ADGRG2: variants seen among roughly 807,000 people sequenced by gnomAD.
ADGRG2 encodes the protein G protein-coupled receptor 64.
A neutral mutation model predicts 74.1 loss-of-function variants in ADGRG2; 26 were observed. The ratio of observed to expected loss-of-function variants is 0.35; its 90% confidence interval spans 0.26 to 0.49. ADGRG2 has a LOEUF of 0.49. Ranked by LOEUF, ADGRG2 falls within the 20% of genes least tolerant of loss-of-function variation. ADGRG2 has a pLI of 0.99. For synonymous variants in ADGRG2, 296 were observed against 295.2 expected (o/e 1.00, Z -0.03); for missense variants, 619 against 763.1 (o/e 0.81, Z 2.22).
At chrX:19,071,417 G>A (rs1019010114) in intron 2 of ADGRG2, among the ~76,000 whole-genome samples, 1 of 112,088 alleles carries the variant, frequency 8.9e-6, no homozygotes, top group African/African-American at 3.2e-5. Flanking sequence ...GTGCAAAGAT[G>A]TATCGATGTC....
At chrX:19,115,269 C>T (rs1318766440) in intron 1 of ADGRG2, among the ~76,000 whole-genome samples, 3 of 111,435 alleles carry the variant, frequency 2.7e-5, no homozygotes, top group African/African-American at 6.5e-5. Flanking sequence ...GCACCTACTA[C>T]GTCCCACTGT....
At chrX:19,115,680 G>A (rs956918881) in intron 1 of ADGRG2, among the ~76,000 whole-genome samples, 13 of 111,561 alleles carry the variant, frequency 1.2e-4, no homozygotes, top group Non-Finnish European at 2.3e-4. Context: ...GGTAGGAGGC[G>A]GCGCGGTGGC....
intron 1 of ADGRG2, among the ~76,000 whole-genome samples, chrX:19,090,881 C>T (rs764067628): frequency 1.3e-4 from 14 of 110,754 alleles, no homozygotes; most frequent in African/African-American, 4.3e-4. Context: ...CCAAGAAGTG[C>T]GATATTGCGA....
chrX:19,101,876 G>A (rs2062194386), intron 1 of ADGRG2, among the ~76,000 whole-genome samples: 1 of 110,124 alleles, frequency 9.1e-6, no homozygotes, highest in Admixed American at 9.7e-5. Flanking sequence ...TGAACCAGCA[G>A]TGACCCACCC....
chrX:19,102,983 C>G (rs1039738729), intron 1 of ADGRG2, among the ~76,000 whole-genome samples: 1 of 111,400 alleles, frequency 9.0e-6, no homozygotes, highest in African/African-American at 3.3e-5. Flanking sequence ...GGCATTTGAG[C>G]CAGAGTGACT....
intron 3 of ADGRG2, among the ~76,000 whole-genome samples, chrX:19,052,250 GCTGT>G (rs1269050779): frequency 8.9e-6 from 1 of 111,812 alleles, no homozygotes; most frequent in Non-Finnish European, 1.9e-5. Flanking sequence ...CACCTGAGAG[GCTGT>G]CTGTAAGTCT....
chrX:19,010,566 C>A (rs776666807), intron 17 of ADGRG2, 47 bp downstream of exon 17: 3 of 1,075,661 alleles, frequency 2.8e-6, no homozygotes, highest in Non-Finnish European at 2.5e-6. Flanking sequence ...GCATCTTTAT[C>A]TTTGGAGGGT....
intron 3 of ADGRG2, among the ~76,000 whole-genome samples, chrX:19,040,452 A>T (rs973428392): frequency 8.9e-6 from 1 of 112,329 alleles, no homozygotes; most frequent in African/African-American, 3.2e-5. Flanking sequence ...AATTTATTTT[A>T]AAAAATAAGA....
intron 1 of ADGRG2, among the ~76,000 whole-genome samples, chrX:19,103,831 C>T (rs940909864): frequency 9.0e-6 from 1 of 111,433 alleles, no homozygotes; most frequent in Non-Finnish European, 1.9e-5. Flanking sequence ...AGTGAGGCCA[C>T]CCTCCCAAAC....
At chrX:19,039,410 A>G (rs753199417) in intron 4 of ADGRG2, 9 of 299,123 alleles carry the variant, frequency 3.0e-5, no homozygotes, top group South Asian at 1.6e-4. Flanking sequence ...TAATGAATCA[A>G]TAACAGTAGA....
chrX:18,990,391 T>C lies in ADGRG2; in HGVS notation c.*473A>G, dbSNP rs1410170496. 8.9e-6 allele frequency: 1 copy of C among 112,953 alleles called. No individual in the cohort carries two copies. The highest frequency in any genetic ancestry group is 1.9e-5 in the Non-Finnish European group (1 of 53,460). 9.3% of individuals were successfully genotyped at this position (112,953 alleles called of 1,213,427 possible). A position where few individuals can be genotyped will look rare whatever the true frequency, so the allele number is the denominator to read the frequency against. ...ACCATGATTCTACAAAGGAATACAT[T>C]TACACAGTAGAAAATAAATACAAAA... On this transcript the variant is annotated 3_prime_UTR_variant, in exon 29 of 29. Coordinates refer to ENST00000379869, the MANE Select transcript of ADGRG2 (RefSeq NM_001079858.3).
intron 2 of ADGRG2, among the ~76,000 whole-genome samples, chrX:19,073,951 C>T (rs1183508909): frequency 1.8e-5 from 2 of 111,935 alleles, no homozygotes; most frequent in East Asian, 5.6e-4. Context: ...AGAAGGACTG[C>T]AGGGGTTCTC....
chrX:19,006,511 A>G (rs1269227807), intron 20 of ADGRG2, among the ~76,000 whole-genome samples: 1 of 110,479 alleles, frequency 9.1e-6, no homozygotes, highest in African/African-American at 3.3e-5. Flanking sequence ...GAAAATGCAC[A>G]TTCTGACTCA....
chrX:19,017,111 T>C (rs2060486785), intron 15 of ADGRG2, among the ~76,000 whole-genome samples: 1 of 111,680 alleles, frequency 9.0e-6, no homozygotes, highest in Admixed American at 9.6e-5. Flanking sequence ...ACAGTCTCTA[T>C]ACAGACCCTC....
chrX:19,035,273 A>G (rs1034661794), intron 7 of ADGRG2: 5 of 112,490 alleles, frequency 4.4e-5, no homozygotes, highest in Admixed American at 3.8e-4. Flanking sequence ...TTAGAATGCA[A>G]TCCTTGCATA....
intron 24 of ADGRG2, among the ~76,000 whole-genome samples, chrX:19,002,137 A>C (rs1183960985): frequency 9.0e-6 from 1 of 110,543 alleles, no homozygotes. Flanking sequence ...TAAAATGGTT[A>C]TTGGCTGCCT....
intron 2 of ADGRG2, among the ~76,000 whole-genome samples, chrX:19,074,223 A>T (rs1405148581): frequency 9.0e-6 from 1 of 110,928 alleles, no homozygotes; most frequent in African/African-American, 3.3e-5. Flanking sequence ...AAATGCTAAA[A>T]GCATTTTCTT....
At chrX:19,063,753 G>A (rs1328802220) in intron 3 of ADGRG2, among the ~76,000 whole-genome samples, 1 of 112,061 alleles carries the variant, frequency 8.9e-6, no homozygotes, top group Non-Finnish European at 1.9e-5. Context: ...GATGGATAAA[G>A]AGAAGCAAGC....
chrX:19,085,617 C>A (rs931218414), intron 1 of ADGRG2, among the ~76,000 whole-genome samples: 2 of 111,542 alleles, frequency 1.8e-5, no homozygotes, highest in African/African-American at 3.3e-5. Context: ...ATGTGAGCCA[C>A]TGCACATGGC....
Sources: gnomAD v4.1 joint callset for allele counts (sites outside exome capture counted in the v4.1 genomes callset) on GRCh38, gnomAD v4.1.1 for gene constraint, MANE v1.5 for transcripts, NCBI Gene and HGNC (gene_info 2026-07-23, HGNC 2026-07-21) for gene names.